Variants in PIAS4 observed in about 807,000 individuals in gnomAD.
PIAS4 encodes E3 SUMO-protein ligase PIAS4.
Under a neutral mutation model 58.0 loss-of-function variants are expected in PIAS4, and 7 were observed. The ratio of observed to expected loss-of-function variants is 0.12; its 90% CI spans 0.07 to 0.23. PIAS4 has a LOEUF of 0.23. Among genes scored for constraint, PIAS4 ranks in the 10% least tolerant of loss-of-function variants. The probability of loss-of-function intolerance (pLI) is 1.00; values close to 1 mark genes in which losing one functional copy is unlikely to be tolerated. For missense variants in PIAS4, 550 were observed against 709.5 expected (o/e 0.78, Z 2.55); for synonymous variants, 364 against 312.4 (o/e 1.17, Z -1.74).
chr19:4,013,388 C>A lies in PIAS4; in HGVS notation c.454+39C>A. On this transcript the variant is annotated intron_variant, in intron 2 of 10. Coordinates refer to ENST00000262971, the MANE Select transcript of PIAS4 (RefSeq NM_015897.4). This position sits in a 1 kb window ranked among gnomAD's most constrained non-coding sequence, Gnocchi z 5.1. The stretch of plus-strand genomic sequence containing the variant: ...CTGGGGAGGCTGCGACTGGAGGCTT[C>A]ACCTAGGCCCCGTCGCCCAGCCCAG... 1.3e-6 allele frequency: 2 copies of A among 1,557,122 alleles called. No individual in the cohort carries two copies. Among genetic ancestry groups the A allele is most frequent in the Non-Finnish European group, 8.8e-7 (1 of 1,139,204 alleles).
At chr19:4,035,526 A>T (rs1415043166) in intron 9 of PIAS4, among the ~76,000 whole-genome samples, 1 of 152,092 alleles carries the variant, frequency 6.6e-6, no homozygotes, top group South Asian at 2.1e-4. Flanking sequence ...CCGAGTAAAA[A>T]GGCCGGACAC....
At chr19:4,028,036 G>A (rs1232937136) in intron 3 of PIAS4, 110 bp from the exon 4 acceptor site, 2 of 1,045,008 alleles carry the variant, frequency 1.9e-6, no homozygotes, top group African/African-American at 3.1e-5. Flanking sequence ...CCCAGCTCTG[G>A]GGGAGGGAGC....
rs543625038 is a variant in PIAS4, at chr19:4,028,422, C to T, written c.582-88C>T. On this transcript the variant is annotated intron_variant, in intron 4 of 10. Coordinates refer to ENST00000262971, the MANE Select transcript of PIAS4 (RefSeq NM_015897.4). ...CATTCTCCGGTGCCCCCATCACTGC[C>T]GCCTGGCTACCACTCGTGTACCCCC... 33 of 1,017,540 alleles carry T rather than the reference C, an allele frequency of 3.2e-5. 1 individual carries two copies. Among genetic ancestry groups the T allele is most frequent in the Admixed American group, 2.7e-4 (13 of 48,992 alleles). The allele number at this position is 1,017,540 out of a possible 1,614,324, so 63.0% of individuals were successfully genotyped here. A position where few individuals can be genotyped will look rare whatever the true frequency, so the allele number is the denominator to read the frequency against.
At chr19:4,036,772 TCACA>T (rs375454896) in intron 9 of PIAS4, among the ~76,000 whole-genome samples, 3,748 of 123,438 alleles carry the variant, frequency 0.03, 339 homozygotes, top group African/African-American at 0.12. Flanking sequence ...GTCTACACCG[TCACA>T]CACACACACA....
At chr19:4,027,862 C>T (rs865924021) in intron 3 of PIAS4, among the ~76,000 whole-genome samples, 1 of 152,100 alleles carries the variant, frequency 6.6e-6, no homozygotes, top group Non-Finnish European at 1.5e-5. Flanking sequence ...CCCGCATGCA[C>T]GTTTTAGCTA....
At chr19:4,012,441 G>A (rs1489970965) in intron 1 of PIAS4, among the ~76,000 whole-genome samples, 5 of 152,090 alleles carry the variant, frequency 3.3e-5, no homozygotes, top group East Asian at 3.9e-4. Flanking sequence ...TGTGGCTACC[G>A]TTGGCGAGAC....
rs1456636614 is a variant in PIAS4, at chr19:4,028,824, T to C, written c.777T>C (p.Thr259=). 2.0e-5 allele frequency: 33 copies of C among 1,613,466 alleles called. No individual in the cohort carries two copies. Among genetic ancestry groups the C allele is most frequent in the Non-Finnish European group, 2.6e-5 (31 of 1,179,948 alleles). The change falls in exon 6 of 11, where the codon ACT becomes ACC. Residue 259 remains threonine (T), a synonymous_variant. Coordinates refer to ENST00000262971, the MANE Select transcript of PIAS4 (RefSeq NM_015897.4). The stretch of plus-strand genomic sequence containing the variant: ...TGTCCTCGGCCACCAACCGCATCAC[T>C]GTCACCTGGGGGAACTACGGCAAGG... ...MYLSSATNRI[T]VTWGNYGKSY...
rs973316079 is a variant in PIAS4 at position 4,028,774 on chromosome 19, A to G, written c.727A>G (p.Ile243Val). Residue 243 changes from isoleucine (I) to valine (V), a missense_variant, in exon 6 of 11, where the codon ATC becomes GTC. Ile to Val is a conservative substitution (Grantham distance 29). Around this residue, in one of 4 missense-constraint regions of PIAS4, gnomAD observed 225 missense variants for 345.8 expected, o/e 0.65. Transcript: ENST00000262971. ...GVEPKRPCRP[I>V]NLTHLMYLSS... Reference sequence around the variant, plus strand: ...GGAGCCCAAGAGGCCGTGCCGCCCCATCAACCTCACCCACCTCATGTACCT... The same window carrying G: ...GGAGCCCAAGAGGCCGTGCCGCCCCGTCAACCTCACCCACCTCATGTACCT... 1 of 1,613,352 alleles carries G rather than the reference A, an allele frequency of 6.2e-7. No individual in the cohort carries two copies.
chr19:4,007,808 C>A, intron 1 of PIAS4, 21 bp downstream of exon 1: 1 of 1,209,674 alleles, frequency 8.3e-7, no homozygotes, highest in Admixed American at 4.4e-5. Flanking sequence ...GGTGGCGGCG[C>A]CGGCCGGGGC....
At chr19:4,020,674 G>C (rs1165643310) in intron 2 of PIAS4, among the ~76,000 whole-genome samples, 1 of 152,204 alleles carries the variant, frequency 6.6e-6, no homozygotes, top group African/African-American at 2.4e-5. Context: ...TGCCCAGGCT[G>C]GTCTCGAACT....
intron 2 of PIAS4, among the ~76,000 whole-genome samples, chr19:4,022,692 G>C (rs894176662): frequency 3.3e-5 from 5 of 151,096 alleles, no homozygotes. Context: ...GTTTTTTTGG[G>C]TTTTTTTGGA....
intron 1 of PIAS4, among the ~76,000 whole-genome samples, chr19:4,010,343 C>T (rs1017227484): frequency 2.0e-5 from 3 of 152,216 alleles, no homozygotes; most frequent in East Asian, 1.9e-4. Flanking sequence ...CAGGGGCTCC[C>T]GGGGTGCGAG....
At chr19:4,015,315 C>G (rs370958077) in intron 2 of PIAS4, among the ~76,000 whole-genome samples, 1 of 152,208 alleles carries the variant, frequency 6.6e-6, no homozygotes, top group Non-Finnish European at 1.5e-5. Context: ...AGCTTCCTTC[C>G]TGCACGGGGA....
At chr19:4,028,685 CT>C (rs1335559737) in intron 5 of PIAS4, 34 bp from the exon 6 acceptor site, 1 of 1,603,884 alleles carries the variant, frequency 6.2e-7, no homozygotes, top group Non-Finnish European at 8.5e-7. Flanking sequence ...CCCAGCCGCT[CT>C]TGGCTCGAGG....
rs369937310 is a variant in PIAS4, at chr19:4,023,214, C to T, written c.455-822C>T. On this transcript the variant is annotated intron_variant, in intron 2 of 10. Transcript: ENST00000262971. ...ATGGGGCTGGCTGGGCACAGTGGCT[C>T]ACGCCTGTAATCCCAGCATTTTGAG... 1.2e-4 allele frequency among the ~76,000 whole-genome samples: 18 copies of T among 149,750 alleles called. No individual in the cohort carries two copies. The East Asian group carries it at 2.6e-3, about 21-fold the overall frequency.
At chr19:4,011,320 G>A (rs2039990112) in intron 1 of PIAS4, among the ~76,000 whole-genome samples, 1 of 152,210 alleles carries the variant, frequency 6.6e-6, no homozygotes, top group Non-Finnish European at 1.5e-5. Context: ...GCTAAGGGTG[G>A]GTGGCCCTGA....
At chr19:4,034,108 A>G (rs948810463) in intron 9 of PIAS4, among the ~76,000 whole-genome samples, 1 of 152,226 alleles carries the variant, frequency 6.6e-6, no homozygotes, top group Admixed American at 6.5e-5. Flanking sequence ...GGCTCTGCCC[A>G]GGGCTTAAGT....
At position 4,037,209 on chromosome 19, in the gene PIAS4, G is replaced by A. The variant is rs1254920619; in HGVS notation, c.1143-165G>A. Among the ~76,000 whole-genome samples, 1 of 152,176 alleles carries A rather than the reference G, an allele frequency of 6.6e-6. No homozygotes were observed. The highest frequency in any genetic ancestry group is 1.5e-5 in the Non-Finnish European group (1 of 68,026). On this transcript the variant is annotated intron_variant, in intron 9 of 10. Coordinates refer to ENST00000262971, the MANE Select transcript of PIAS4 (RefSeq NM_015897.4). The surrounding 1 kb of genome is among the most constrained non-coding windows in gnomAD (Gnocchi z 5.8). ...CAGCACCTGCAGGGGCCTGAGGGCG[G>A]GGGAGGGAATGCGGGGTCCCTGGAC...
At position 4,013,035 on chromosome 19, in the gene PIAS4, A is replaced by G; in HGVS notation, c.140A>G (p.Gln47Arg). The G allele has an allele frequency of 6.2e-7, 1 of 1,613,628 alleles. No individual in the cohort carries two copies. Among genetic ancestry groups the G allele is most frequent in the Non-Finnish European group, 8.5e-7 (1 of 1,179,980 alleles). ...GTCACCAGGGCCCTCCAGCTGGTGCAGTTTGACTGTAGCCCTGAGCTGTTC... is the reference window on the plus strand; with the variant it reads ...GTCACCAGGGCCCTCCAGCTGGTGCGGTTTGACTGTAGCCCTGAGCTGTTC... The part of the protein sequence containing the change: ...ELVTRALQLV[Q>R]FDCSPELFKK... Residue 47 changes from glutamine (Q) to arginine (R), a missense_variant, in exon 2 of 11, where the codon CAG becomes CGG. Gln to Arg is a conservative substitution (Grantham distance 43). Transcript: ENST00000262971. The surrounding 1 kb of genome is among the most constrained non-coding windows in gnomAD (Gnocchi z 5.1).
Sources: allele counts gnomAD v4.1 joint callset (sites outside exome capture counted in the v4.1 genomes callset), GRCh38; gene constraint gnomAD v4.1.1; regional missense constraint gnomAD v4.1.1; non-coding constraint Gnocchi (gnomAD v3.1); transcripts MANE v1.5; gene names NCBI Gene and HGNC (gene_info 2026-07-23, HGNC 2026-07-21).